PIKFYVE: variants seen among roughly 807,000 people sequenced by gnomAD.
The protein encoded by PIKFYVE is phosphoinositide kinase, FYVE-type zinc finger containing.
In PIKFYVE, 122 loss-of-function variants were observed where a neutral mutation model predicts 257.9. The observed-to-expected ratio is 0.47, with a 90% CI of 0.41 to 0.55. PIKFYVE has a LOEUF of 0.55. Ranked by LOEUF, PIKFYVE falls within the 20% of genes least tolerant of loss-of-function variation. The probability of loss-of-function intolerance (pLI) is 0.00; values close to 1 mark genes in which losing one functional copy is unlikely to be tolerated. For missense variants in PIKFYVE, 2,160 were observed against 2,536.6 expected (o/e 0.85, Z 3.19); for synonymous variants, 892 against 868.9 (o/e 1.03, Z -0.47).
At chr2:208,325,111 G>A (rs1696766892) in intron 19 of PIKFYVE, 74 bp downstream of exon 19, 1 of 1,601,098 alleles carries the variant, frequency 6.2e-7, no homozygotes, top group Non-Finnish European at 8.6e-7. Context: ...TACTTACTAG[G>A]AAATACCTAT....
chr2:208,341,850 C>T (rs750115925), intron 31 of PIKFYVE, among the ~76,000 whole-genome samples: 19 of 152,054 alleles, frequency 1.2e-4, no homozygotes, highest in Non-Finnish European at 8.8e-5. Flanking sequence ...AACATTCATT[C>T]TGTAGCAATT....
At chr2:208,311,600 A>G (rs976590770) in intron 12 of PIKFYVE, among the ~76,000 whole-genome samples, 2 of 152,204 alleles carry the variant, frequency 1.3e-5, no homozygotes, top group African/African-American at 4.8e-5. Flanking sequence ...AAAGTATTTA[A>G]TATATTAAAA....
At position 208,355,333 on chromosome 2, in the gene PIKFYVE, G is replaced by T; in HGVS notation, c.*28G>T. The T allele has an allele frequency of 1.3e-6, 2 of 1,566,200 alleles. No homozygotes were observed. The highest frequency in any genetic ancestry group is 1.4e-5 in the African/African-American group (1 of 74,040). On this transcript the variant is annotated 3_prime_UTR_variant, in exon 42 of 42. Transcript: ENST00000264380. The stretch of plus-strand genomic sequence containing the variant: ...TCAAGCACATATTTTGAAATGGACT[G>T]TGAAGGAAAAGGGGACAGGAACAAA...
chr2:208,335,498 C>A, intron 25 of PIKFYVE, 79 bp downstream of exon 25: 7 of 1,224,576 alleles, frequency 5.7e-6, no homozygotes, highest in Non-Finnish European at 7.1e-6. Context: ...ATTTTATTTT[C>A]TTTGAAAATG....
At chr2:208,328,803 TGTG>T (rs1489672003) in intron 21 of PIKFYVE, among the ~76,000 whole-genome samples, 1 of 152,186 alleles carries the variant, frequency 6.6e-6, no homozygotes, top group Non-Finnish European at 1.5e-5. Flanking sequence ...ATTTCCCTCT[TGTG>T]GTACCATATC....
In PIKFYVE at chr2:208,338,602, G is replaced by T. The variant is rs754066737; in HGVS notation, c.4672+34G>T. 3 of 1,586,442 alleles carry T rather than the reference G, an allele frequency of 1.9e-6. No individual in the cohort carries two copies. In the Admixed American group the frequency reaches 5.0e-5, roughly 26 times the overall value. ...TTGAGTCTGGTGATCACTTGCCGTAGGATTTAAAGAAATTTCTTATTGTAT... is the reference window on the plus strand; with the variant it reads ...TTGAGTCTGGTGATCACTTGCCGTATGATTTAAAGAAATTTCTTATTGTAT... On this transcript the variant is annotated intron_variant, in intron 29 of 41. Coordinates refer to ENST00000264380, the MANE Select transcript of PIKFYVE (RefSeq NM_015040.4).
intron 7 of PIKFYVE, 33 bp from the exon 8 acceptor site, chr2:208,298,608 A>T: frequency 1.2e-6 from 2 of 1,612,528 alleles, no homozygotes; most frequent in South Asian, 2.2e-5. Flanking sequence ...AAGAATTTAC[A>T]CCTGTGATTT....
rs933049477 is a variant in PIKFYVE at position 208,304,356 on chromosome 2, C to A, written c.1468+38C>A. On this transcript the variant is annotated intron_variant, in intron 11 of 41. Transcript: ENST00000264380. ...TTCTAACATTTTAGTTTTGATGGGT[C>A]ATTGCTGTGTATGTATGATAAAATG... The A allele has an allele frequency of 2.5e-6, 4 of 1,596,942 alleles. No individual in the cohort carries two copies. In the South Asian group the frequency reaches 3.3e-5, roughly 13 times the overall value.
rs573262066 is a variant in PIKFYVE, at chr2:208,304,924, G to A, written c.1547G>A (p.Ser516Asn). 3 of 1,614,106 alleles carry A rather than the reference G, an allele frequency of 1.9e-6. No homozygotes were observed. The highest frequency in any genetic ancestry group is 2.7e-5 in the African/African-American group (2 of 75,030). The change falls in exon 12 of 42, where the codon AGC becomes AAC. Residue 516 changes from serine (S) to asparagine (N), a missense_variant. Transcript: ENST00000264380. ...TVDSDSAASI[S>N]LNVELDNVNF... Reference sequence around the variant, plus strand: ...GACAGTGACTCAGCCGCTTCTATCAGCCTGAACGTGGAGCTGGACAACGTG... The same window carrying A: ...GACAGTGACTCAGCCGCTTCTATCAACCTGAACGTGGAGCTGGACAACGTG...
intron 10 of PIKFYVE, among the ~76,000 whole-genome samples, chr2:208,303,366 A>C (rs1693950890): frequency 6.6e-6 from 1 of 152,074 alleles, no homozygotes; most frequent in Non-Finnish European, 1.5e-5. Context: ...AAATTCACGG[A>C]TGTTTGACTT....
chr2:208,350,209 T>C, intron 36 of PIKFYVE, 126 bp downstream of exon 36: 1 of 1,379,656 alleles, frequency 7.2e-7, no homozygotes, highest in Non-Finnish European at 9.5e-7. Flanking sequence ...ATTAAGTCTT[T>C]ATGCTGACAT....
At chr2:208,336,624 A>AT (rs1034587699) in intron 27 of PIKFYVE, among the ~76,000 whole-genome samples, 162 of 148,700 alleles carry the variant, frequency 1.1e-3, no homozygotes, top group East Asian at 3.1e-3. Context: ...ATAATTTGCT[A>AT]TTTTTTTTTT....
intron 41 of PIKFYVE, among the ~76,000 whole-genome samples, chr2:208,354,967 G>A (rs774080187): frequency 4.1e-4 from 62 of 152,156 alleles, no homozygotes; most frequent in Admixed American, 1.6e-3. Flanking sequence ...CTTAGACATC[G>A]CTCATCTCTA....
At chr2:208,286,924 A>C (rs951654607) in intron 6 of PIKFYVE, among the ~76,000 whole-genome samples, 3 of 152,182 alleles carry the variant, frequency 2.0e-5, no homozygotes, top group African/African-American at 7.2e-5. Context: ...CTGATAAGTT[A>C]ATTTCTCAGT....
chr2:208,302,512 C>T (rs1457378529), intron 10 of PIKFYVE, 159 bp downstream of exon 10: 34 of 670,230 alleles, frequency 5.1e-5, no homozygotes, highest in Non-Finnish European at 7.6e-5. Context: ...TGGTAGGCAG[C>T]AGTGATGAAA....
At position 208,326,177 on chromosome 2, in the gene PIKFYVE, C is replaced by T; in HGVS notation, c.3366C>T (p.Ala1122=). Residue 1122 remains alanine (A), a synonymous_variant, in exon 20 of 42, where the codon GCC becomes GCT. Transcript: ENST00000264380. ...AGGGCATGAATGGAAGTATTCAGGC[C>T]AAGTCTATTCAAGTCTTACCCTCAC... The part of the protein sequence containing the change: ...GLQGMNGSIQ[A]KSIQVLPSHE... The T allele has an allele frequency of 6.2e-7, 1 of 1,610,730 alleles. No individual in the cohort carries two copies. The highest frequency in any genetic ancestry group is 8.5e-7 in the Non-Finnish European group (1 of 1,178,416).
chr2:208,340,270 TTGA>T, intron 31 of PIKFYVE, 139 bp downstream of exon 31: 3 of 1,142,680 alleles, frequency 2.6e-6, no homozygotes, highest in Non-Finnish European at 3.8e-6. Flanking sequence ...GAGATGTCTT[TTGA>T]TACAATGTAA....
At chr2:208,350,425 A>G (rs1295304996) in intron 36 of PIKFYVE, among the ~76,000 whole-genome samples, 1 of 152,208 alleles carries the variant, frequency 6.6e-6, no homozygotes, top group Non-Finnish European at 1.5e-5. Context: ...AATAATATGT[A>G]CAGTACATTT....
At chr2:208,348,698 G>C (rs976747486) in intron 35 of PIKFYVE, among the ~76,000 whole-genome samples, 4 of 150,984 alleles carry the variant, frequency 2.6e-5, no homozygotes, top group Admixed American at 1.3e-4. Flanking sequence ...CTGATGACCT[G>C]TTTTTGTAAA....
Sources: gnomAD v4.1 joint callset for allele counts (sites outside exome capture counted in the v4.1 genomes callset) on GRCh38, gnomAD v4.1.1 for gene constraint, MANE v1.5 for transcripts, NCBI Gene and HGNC (gene_info 2026-07-23, HGNC 2026-07-21) for gene names.